Variants in LINGO1 observed in about 807,000 individuals in gnomAD.
LINGO1 encodes leucine rich repeat and Ig domain containing 1, also known as leucine-rich repeat and immunoglobulin-like domain-containing nogo receptor-interacting protein 1.
In LINGO1, 11 loss-of-function variants were observed where a neutral mutation model predicts 37.3. The ratio of observed to expected loss-of-function variants is 0.29; its 90% CI spans 0.19 to 0.49. LINGO1 has a LOEUF of 0.49. Ranked by LOEUF, LINGO1 falls within the 20% of genes least tolerant of loss-of-function variation. The pLI is 0.99. For synonymous variants in LINGO1, 387 were observed against 403.0 expected, an observed-to-expected ratio of 0.96 and a Z score of 0.48; for missense variants, 585 against 878.2, an observed-to-expected ratio of 0.67 and a Z score of 4.22.
chr15:77,761,144 C>T lies in LINGO1; in HGVS notation c.-257+25725G>A, dbSNP rs567345252. ...AGAGATGGGGTTTTGCCATGCTGCC[C>T]AAGCTGGTCTCGAACTGCTGAGCTC... On this transcript the variant is annotated intron_variant, in intron 1 of 3. Transcript: ENST00000561686. Among the ~76,000 whole-genome samples the T allele has an allele frequency of 2.6e-5, 4 of 151,698 alleles. 1 individual carries two copies. Among genetic ancestry groups the T allele is most frequent in the African/African-American group, 9.7e-5 (4 of 41,328 alleles).
In LINGO1 at chr15:77,754,925, GC is replaced by G. The variant is rs1457080089; in HGVS notation, c.-256-19873del. Among the ~76,000 whole-genome samples, 19 of 152,378 alleles carry G rather than the reference GC, an allele frequency of 1.2e-4. No individual in the cohort carries two copies. The South Asian group carries it at 2.7e-3, about 22-fold the overall frequency. ...ATAAGATGGGGCCTGGTGGTCTCCA[GC>G]TCCCAACGCTGTTGTGAAGCTTGAG... On this transcript the variant is annotated intron_variant, in intron 1 of 3. Coordinates refer to the LINGO1 transcript ENST00000561686.
chr15:77,646,314 C>T (rs866813207), intron 3 of LINGO1: 30 of 366,900 alleles, frequency 8.2e-5, no homozygotes, highest in African/African-American at 4.9e-4. Flanking sequence ...GCGGGGAACC[C>T]GGACCTACAT....
chr15:77,664,642 C>G (rs910168358), intron 3 of LINGO1, among the ~76,000 whole-genome samples: 11 of 152,170 alleles, frequency 7.2e-5, no homozygotes. Context: ...CTCCTCCCAG[C>G]CTGAGCTGTT....
At chr15:77,728,396 T>C (rs2076123507) in intron 2 of LINGO1, among the ~76,000 whole-genome samples, 1 of 152,224 alleles carries the variant, frequency 6.6e-6, no homozygotes, top group African/African-American at 2.4e-5. Context: ...CAAAGCCTCG[T>C]TCGTCTCGGC....
chr15:77,739,074 T>C (rs1372563358), intron 1 of LINGO1, among the ~76,000 whole-genome samples: 1 of 152,230 alleles, frequency 6.6e-6, no homozygotes, highest in Non-Finnish European at 1.5e-5. Context: ...CCAGGGAGTC[T>C]GCGGCTCTCA....
At chr15:77,706,899 T>C (rs185685050) in intron 2 of LINGO1, among the ~76,000 whole-genome samples, 5 of 152,358 alleles carry the variant, frequency 3.3e-5, no homozygotes, top group Admixed American at 6.5e-5. Flanking sequence ...CCAGAAGCTA[T>C]AGCCAGAGTC....
upstream of LINGO1, among the ~76,000 whole-genome samples, chr15:77,633,716 C>G (rs74772206): frequency 8.4e-4 from 128 of 152,354 alleles, 1 homozygote; most frequent in East Asian, 0.022. Flanking sequence ...GTTCCCTCCT[C>G]CCGGAATGGT....
At chr15:77,794,757 T>G (rs993869587) in intron 2 of LINGO1, among the ~76,000 whole-genome samples, 2 of 151,574 alleles carry the variant, frequency 1.3e-5, no homozygotes, top group African/African-American at 4.9e-5. Flanking sequence ...CCTGCTAATT[T>G]TTTGTATTTT....
intron 2 of LINGO1, among the ~76,000 whole-genome samples, chr15:77,727,714 T>C (rs79254830): frequency 0.013 from 1,974 of 147,082 alleles, 20 homozygotes; most frequent in Admixed American, 0.019. Flanking sequence ...GCTAAGATGA[T>C]ACATTTTATA....
chr15:77,740,466 G>A (rs1409092154), intron 1 of LINGO1, among the ~76,000 whole-genome samples: 2 of 152,074 alleles, frequency 1.3e-5, no homozygotes, highest in East Asian at 3.9e-4. Flanking sequence ...GTGGCTCCAC[G>A]CCTGTGCTCC....
At chr15:77,665,899 CCTCT>C (rs971653523) in intron 3 of LINGO1, among the ~76,000 whole-genome samples, 1 of 152,204 alleles carries the variant, frequency 6.6e-6, no homozygotes, top group African/African-American at 2.4e-5. Context: ...TTCTGTGCAG[CCTCT>C]CTCCCCCATC....
Position 77,614,188 on chromosome 15 carries a change from G to A in LINGO1, c.1719C>T (p.Leu573=), listed in dbSNP as rs2073604053. Residue 573 remains leucine (L), a synonymous_variant, in exon 2 of 2, where the codon CTC becomes CTT. Coordinates refer to ENST00000355300, the MANE Select transcript of LINGO1 (RefSeq NM_032808.7). ...AGAGAAACAGCAGCACCAGGCAGAA[G>A]AGGACGACGCCCAGGAAAGAGATGA... ...MGFISFLGVV[L]FCLVLLFLWS... 6.2e-7 allele frequency: 1 copy of A among 1,614,028 alleles called. No homozygotes were observed. Among genetic ancestry groups the A allele is most frequent in the East Asian group, 2.2e-5 (1 of 44,876 alleles).
upstream of LINGO1, among the ~76,000 whole-genome samples, chr15:77,697,594 T>C (rs746619777): frequency 2.7e-5 from 4 of 148,002 alleles, no homozygotes; most frequent in Non-Finnish European, 6.1e-5. Context: ...CATTCACTCA[T>C]TCATTCAGCA....
chr15:77,675,750 T>C (rs2075316998), intron 3 of LINGO1, among the ~76,000 whole-genome samples: 1 of 151,974 alleles, frequency 6.6e-6, no homozygotes, highest in Non-Finnish European at 1.5e-5. Context: ...ATAGAGAACA[T>C]ATTACCTTAA....
intron 1 of LINGO1, among the ~76,000 whole-genome samples, chr15:77,630,369 C>G (rs374658122): frequency 3.9e-4 from 59 of 152,206 alleles, no homozygotes; most frequent in Non-Finnish European, 6.9e-4. Flanking sequence ...GAGCCCTCAC[C>G]GGCACCAGGG....
chr15:77,783,583 C>T (rs34000202), intron 1 of LINGO1, among the ~76,000 whole-genome samples: 29,919 of 152,200 alleles, frequency 0.2, 3,105 homozygotes, highest in African/African-American at 0.27. Flanking sequence ...AGGCTTCACC[C>T]CTCTGAGCCC....
intron 1 of LINGO1, among the ~76,000 whole-genome samples, chr15:77,768,651 G>A (rs1209919099): frequency 6.6e-6 from 1 of 152,034 alleles, no homozygotes; most frequent in Non-Finnish European, 1.5e-5. Flanking sequence ...GGGGAGAGAG[G>A]CTTATGAGTG....
chr15:77,749,838 G>A (rs929598620), intron 1 of LINGO1, among the ~76,000 whole-genome samples: 1 of 152,186 alleles, frequency 6.6e-6, no homozygotes, highest in Non-Finnish European at 1.5e-5. Context: ...GGAGCCCAAG[G>A]GCCAGCTTGA....
rs202026220 is a variant in LINGO1, at chr15:77,774,783, GTCA to G, written c.-257+12083_-257+12085del. Among the ~76,000 whole-genome samples the G allele has an allele frequency of 8.3e-3, 1,271 of 152,304 alleles. 24 individuals carry two copies. Among genetic ancestry groups the G allele is most frequent in the African/African-American group, 0.03 (1,238 of 41,530 alleles). ...GACCCTGTATTGGGTCCTGACCCTG[GTCA>G]TGAGGTCATCAGTGGGTGCACCTGG... On this transcript the variant is annotated intron_variant, in intron 1 of 3. Transcript: ENST00000561686.
Sources: gnomAD v4.1 joint callset for allele counts (sites outside exome capture counted in the v4.1 genomes callset) on GRCh38, gnomAD v4.1.1 for gene constraint, MANE v1.5 for transcripts, NCBI Gene and HGNC (gene_info 2026-07-23, HGNC 2026-07-21) for gene names.